The following DAB2IP variants were observed in gnomAD, a reference collection of about 807,000 sequenced individuals.
DAB2IP encodes the protein disabled homolog 2-interacting protein.
A neutral mutation model predicts 107.2 loss-of-function variants in DAB2IP; 28 were observed. That is an observed-to-expected ratio of 0.26 (90% CI 0.19 to 0.36). The LOEUF (loss-of-function observed/expected upper bound fraction) is 0.36. Ranked by LOEUF, DAB2IP falls within the 10% of genes least tolerant of loss-of-function variation. The probability of loss-of-function intolerance (pLI) is 1.00; values close to 1 mark genes in which losing one functional copy is unlikely to be tolerated. For synonymous variants in DAB2IP, 755 were observed against 706.4 expected, an observed-to-expected ratio of 1.07 and a Z score of -1.09; for missense variants, 1,400 against 1,644.7, an observed-to-expected ratio of 0.85 and a Z score of 2.57.
chr9:121,706,462 G>A (rs1589552647), intron 3 of DAB2IP, among the ~76,000 whole-genome samples: 1 of 152,152 alleles, frequency 6.6e-6, no homozygotes, highest in East Asian at 1.9e-4. Context: ...TTCTCTCTGA[G>A]TTCGCGGTGG....
At chr9:121,571,710 C>A (rs1238501440) in intron 1 of DAB2IP, among the ~76,000 whole-genome samples, 1 of 152,088 alleles carries the variant, frequency 6.6e-6, no homozygotes, top group Non-Finnish European at 1.5e-5. Context: ...GATCCGCAGC[C>A]ACTGGCACTG....
chr9:121,608,549 A>G (rs1041848249), intron 1 of DAB2IP, among the ~76,000 whole-genome samples: 1 of 152,022 alleles, frequency 6.6e-6, no homozygotes, highest in Non-Finnish European at 1.5e-5. Flanking sequence ...TTGGGGGGGT[A>G]AGGTAGTGAT....
chr9:121,595,765 A>AC (rs1830518293), intron 1 of DAB2IP, among the ~76,000 whole-genome samples: 1 of 152,214 alleles, frequency 6.6e-6, no homozygotes, highest in South Asian at 2.1e-4. Context: ...TTATACTTTT[A>AC]CCATATCTGT....
chr9:121,745,525 G>A (rs1322429121), intron 3 of DAB2IP, among the ~76,000 whole-genome samples: 1 of 151,914 alleles, frequency 6.6e-6, no homozygotes, highest in East Asian at 1.9e-4. Flanking sequence ...GCTTTGGGAG[G>A]AATGGGCAGC....
intron 11 of DAB2IP, among the ~76,000 whole-genome samples, chr9:121,771,915 G>A (rs1042857275): frequency 2.7e-5 from 4 of 148,066 alleles, no homozygotes; most frequent in Non-Finnish European, 4.5e-5. Context: ...CCTGGACCCC[G>A]CCACAGTTGT....
rs1832793817 is a variant in DAB2IP at position 121,747,415 on chromosome 9, T to C, written c.363-9598T>C. Among the ~76,000 whole-genome samples, 3 of 151,600 alleles carry C rather than the reference T, an allele frequency of 2.0e-5. 1 individual carries two copies. In the South Asian group the frequency reaches 6.3e-4, roughly 32 times the overall value. On this transcript the variant is annotated intron_variant, in intron 3 of 15. Coordinates refer to ENST00000408936, the Ensembl canonical transcript of DAB2IP. ...CAGGCTGGAGTGCAGTGGCACTATCTTGGCTCACTGCAAGCTCCACCTCTC... is the reference window on the plus strand; with the variant it reads ...CAGGCTGGAGTGCAGTGGCACTATCCTGGCTCACTGCAAGCTCCACCTCTC...
At chr9:121,735,793 C>T (rs1435890677) in intron 3 of DAB2IP, among the ~76,000 whole-genome samples, 2 of 152,162 alleles carry the variant, frequency 1.3e-5, no homozygotes, top group African/African-American at 2.4e-5. Flanking sequence ...TGACCCCAGG[C>T]AAAAATACCT....
chr9:121,668,798 TATG>T, intron 1 of DAB2IP, among the ~76,000 whole-genome samples: 1 of 152,188 alleles, frequency 6.6e-6, no homozygotes, highest in East Asian at 1.9e-4. Flanking sequence ...TACTGTGTAA[TATG>T]ATATTTTTCT....
chr9:121,628,216 C>G (rs527614582), intron 1 of DAB2IP, among the ~76,000 whole-genome samples: 18 of 152,330 alleles, frequency 1.2e-4, no homozygotes, highest in African/African-American at 4.1e-4. Flanking sequence ...GATGCTGGCT[C>G]AGGGCTTCTC....
At chr9:121,694,503 C>T (rs1000333518) in intron 2 of DAB2IP, among the ~76,000 whole-genome samples, 4 of 152,064 alleles carry the variant, frequency 2.6e-5, no homozygotes, top group Admixed American at 1.3e-4. Flanking sequence ...GAAGAAATCA[C>T]GTGTCTTGAA....
At chr9:121,708,623 A>G (rs1830175478) in intron 3 of DAB2IP, among the ~76,000 whole-genome samples, 1 of 152,214 alleles carries the variant, frequency 6.6e-6, no homozygotes, top group African/African-American at 2.4e-5. Flanking sequence ...TGCTCAGCCC[A>G]CCTGTGCCAC....
chr9:121,635,523 C>T lies in DAB2IP; in HGVS notation c.41-43155C>T, dbSNP rs369664819. On this transcript the variant is annotated intron_variant, in intron 1 of 16. Transcript: ENST00000259371. The surrounding 1 kb of genome is among the most constrained non-coding windows in gnomAD (Gnocchi z 4.3). Reference sequence around the variant, plus strand: ...CCCGTGCAGGGCCTGGGCATGGAAACGGAGTGAAGGAGGCACTGGCTTTGC... The same window carrying T: ...CCCGTGCAGGGCCTGGGCATGGAAATGGAGTGAAGGAGGCACTGGCTTTGC... Among the ~76,000 whole-genome samples, 1 of 151,678 alleles carries T rather than the reference C, an allele frequency of 6.6e-6. No individual in the cohort carries two copies. Among genetic ancestry groups the T allele is most frequent in the Admixed American group, 6.6e-5 (1 of 15,222 alleles).
chr9:121,591,544 T>C (rs1408828137), intron 1 of DAB2IP, among the ~76,000 whole-genome samples: 2 of 151,808 alleles, frequency 1.3e-5, no homozygotes, highest in South Asian at 2.1e-4. Flanking sequence ...GGCCACATGA[T>C]GGCAACAAGA....
intron 3 of DAB2IP, among the ~76,000 whole-genome samples, chr9:121,748,581 T>A (rs1472979759): frequency 6.6e-6 from 1 of 152,210 alleles, no homozygotes; most frequent in East Asian, 1.9e-4. Flanking sequence ...CTCCCTTTCT[T>A]CTGGGGCAGT....
chr9:121,630,418 G>T (rs1246294006), intron 1 of DAB2IP, among the ~76,000 whole-genome samples: 1 of 151,780 alleles, frequency 6.6e-6, no homozygotes, highest in African/African-American at 2.4e-5. Context: ...CCAGCTACTT[G>T]GGAGGCTGAG....
intron 2 of DAB2IP, among the ~76,000 whole-genome samples, chr9:121,697,212 G>A (rs778024252): frequency 1.3e-5 from 2 of 152,180 alleles, no homozygotes; most frequent in African/African-American, 2.4e-5. Context: ...TTTAAACTCA[G>A]AAATAGGATA....
intron 3 of DAB2IP, among the ~76,000 whole-genome samples, chr9:121,748,968 C>T (rs1832908804): frequency 6.6e-6 from 1 of 152,194 alleles, no homozygotes; most frequent in Admixed American, 6.5e-5. Context: ...CTAGGACCTA[C>T]CCCTTACCTT....
intron 3 of DAB2IP, among the ~76,000 whole-genome samples, chr9:121,738,222 G>T (rs929617274): frequency 6.6e-6 from 1 of 152,146 alleles, no homozygotes; most frequent in African/African-American, 2.4e-5. Context: ...CAGGGCTAAT[G>T]AGGGCCTTTA....
chr9:121,781,555 G>A lies in DAB2IP; in HGVS notation c.3402+4G>A. ...ACAGAAGATCATTGATGCCCAGGTG[G>A]GGGCTCCGGCCCTTTGGTCAGCCAC... On this transcript the variant is annotated splice_donor_region_variant and intron_variant, in intron 15 of 15. Coordinates refer to ENST00000408936, the Ensembl canonical transcript of DAB2IP. 6.2e-7 allele frequency: 1 copy of A among 1,613,616 alleles called. No homozygotes were observed. Among genetic ancestry groups the A allele is most frequent in the Non-Finnish European group, 8.5e-7 (1 of 1,179,914 alleles).
Sources: gnomAD v4.1 joint callset for allele counts (sites outside exome capture counted in the v4.1 genomes callset) on GRCh38, gnomAD v4.1.1 for gene constraint, Gnocchi (gnomAD v3.1) non-coding constraint, MANE v1.5 for transcripts, NCBI Gene and HGNC (gene_info 2026-07-23, HGNC 2026-07-21) for gene names.